Variants in BRCA2 observed in about 807,000 individuals in gnomAD.
BRCA2 encodes the protein BRCA2 DNA repair associated, also known as breast cancer type 2 susceptibility protein.
A neutral mutation model predicts 276.7 loss-of-function variants in BRCA2; 203 were observed. The ratio of observed to expected loss-of-function variants is 0.73; its 90% CI spans 0.65 to 0.82. The LOEUF (loss-of-function observed/expected upper bound fraction) is 0.82, where lower values mean the gene tolerates loss of function less well. Among genes scored for constraint, BRCA2 ranks in the 40% least tolerant of loss-of-function variants. The probability of loss-of-function intolerance (pLI) is 0.00; values close to 1 mark genes in which losing one functional copy is unlikely to be tolerated. For missense variants in BRCA2, 3,920 were observed against 3,915.0 expected (o/e 1.00, Z -0.03); for synonymous variants, 1,289 against 1,338.4 (o/e 0.96, Z 0.81).
chr13:32,338,674 A>G lies in BRCA2; in HGVS notation c.4319A>G (p.Lys1440Arg), dbSNP rs80358669. 6.9e-6 allele frequency: 11 copies of G among 1,596,062 alleles called. No homozygotes were observed. Among genetic ancestry groups the G allele is most frequent in the South Asian group, 2.3e-5 (2 of 88,104 alleles). Residue 1440 changes from lysine (K) to arginine (R), a missense_variant, in exon 11 of 27, where the codon AAA (lysine) becomes AGA (arginine). Coordinates refer to ENST00000380152, the MANE Select transcript of BRCA2 (RefSeq NM_000059.4). The stretch of plus-strand genomic sequence containing the variant: ...AGTGGGAAAAATATTAGTGTCGCCA[A>G]AGAGTCATTTAATAAAATTGTAAAT... Reference protein sequence around the residue: ...TASGKNISVAKESFNKIVNFF... With the variant: ...TASGKNISVARESFNKIVNFF...
chr13:32,390,699 G>A (rs1566257430), intron 24 of BRCA2, among the ~76,000 whole-genome samples: 2 of 152,136 alleles, frequency 1.3e-5, no homozygotes, highest in South Asian at 4.1e-4. Flanking sequence ...GGCTGTTTCA[G>A]CACTTGTCAC....
chr13:32,336,228 G>C (rs2137481494), intron 10 of BRCA2, 37 bp from the exon 11 acceptor site: 1 of 1,576,960 alleles, frequency 6.3e-7, no homozygotes, highest in East Asian at 2.2e-5. Context: ...GTGATTGATG[G>C]TACTTTAATT....
rs1135401901 is a variant in BRCA2, at chr13:32,338,377, C to A, written c.4022C>A (p.Ser1341Ter). The change falls in exon 11 of 27, where the codon TCA becomes TAA. Residue 1341 changes from serine to a stop codon, truncating the protein, a stop_gained. Transcript: ENST00000380152. LOFTEE classifies it high-confidence loss of function. ...SHNLEFDGSDSSKNDTVCIHK... is the reference protein window; with the variant it reads ...SHNLEFDGSD ...AACTTAGAATTTGATGGCAGTGATT[C>A]AAGTAAAAATGATACTGTTTGTATT... 6.3e-7 allele frequency: 1 copy of A among 1,591,106 alleles called. No homozygotes were observed. Among genetic ancestry groups the A allele is most frequent in the East Asian group, 2.2e-5 (1 of 44,558 alleles).
chr13:32,355,943 C>T (rs2072691055), intron 14 of BRCA2, among the ~76,000 whole-genome samples: 1 of 151,806 alleles, frequency 6.6e-6, no homozygotes, highest in Non-Finnish European at 1.5e-5. Context: ...TTGAAACATC[C>T]TTTCATTTAT....
Position 32,346,707 on chromosome 13 carries a change from T to C in BRCA2, c.6938-120T>C, listed in dbSNP as rs206080. 0.99 allele frequency: 685,448 copies of C among 690,196 alleles called. 340,509 individuals carry two copies. Among genetic ancestry groups the C allele is most frequent in the East Asian group, 1 (35,715 of 35,716 alleles). The allele number at this position is 690,196 out of a possible 1,614,324, so 42.8% of individuals were successfully genotyped here. A position where few individuals can be genotyped will look rare whatever the true frequency, so the allele number is the denominator to read the frequency against. Reference sequence around the variant, plus strand: ...TCATAGTTAACATTTATTGAGCATCTGTTACATTCACTGAAAATTGTAAAG... The same window carrying C: ...TCATAGTTAACATTTATTGAGCATCCGTTACATTCACTGAAAATTGTAAAG... On this transcript the variant is annotated intron_variant, in intron 12 of 26. Transcript: ENST00000380152.
At chr13:32,352,307 G>A (rs1378978151) in intron 13 of BRCA2, among the ~76,000 whole-genome samples, 1 of 151,768 alleles carries the variant, frequency 6.6e-6, no homozygotes, top group East Asian at 1.9e-4. Context: ...TAATTTATGT[G>A]TAAAATGGGA....
At chr13:32,357,668 A>G (rs1051733998) in intron 15 of BRCA2, 74 bp from the exon 16 acceptor site, 6 of 1,491,768 alleles carry the variant, frequency 4.0e-6, no homozygotes, top group South Asian at 1.2e-5. Flanking sequence ...TTGGTTTGTT[A>G]TAATTGTTTT....
intron 24 of BRCA2, among the ~76,000 whole-genome samples, chr13:32,382,438 CTG>C: frequency 6.6e-6 from 1 of 152,128 alleles, no homozygotes; most frequent in African/African-American, 2.4e-5. Flanking sequence ...TGGAGGAATA[CTG>C]GAGTGAGGTA....
At chr13:32,367,362 A>C (rs1380383218) in intron 18 of BRCA2, among the ~76,000 whole-genome samples, 1 of 151,920 alleles carries the variant, frequency 6.6e-6, no homozygotes, top group Non-Finnish European at 1.5e-5. Flanking sequence ...GCTTGAACCC[A>C]GGAAGCGGAG....
chr13:32,351,773 T>C (rs942262112), intron 13 of BRCA2, among the ~76,000 whole-genome samples: 2 of 151,998 alleles, frequency 1.3e-5, no homozygotes, highest in Non-Finnish European at 2.9e-5. Flanking sequence ...TTGAAATTAT[T>C]TTAATGTTAC....
rs769535925 is a variant in BRCA2, at chr13:32,338,675, A to G, written c.4320A>G (p.Lys1440=). 3 of 1,595,592 alleles carry G rather than the reference A, an allele frequency of 1.9e-6. No homozygotes were observed. Among genetic ancestry groups the G allele is most frequent in the Non-Finnish European group, 2.6e-6 (3 of 1,169,030 alleles). ...TASGKNISVA[K]ESFNKIVNFF... Reference sequence around the variant, plus strand: ...GTGGGAAAAATATTAGTGTCGCCAAAGAGTCATTTAATAAAATTGTAAATT... The same window carrying G: ...GTGGGAAAAATATTAGTGTCGCCAAGGAGTCATTTAATAAAATTGTAAATT... Residue 1440 remains lysine, a synonymous_variant, in exon 11 of 27, where the codon AAA becomes AAG. Transcript: ENST00000380152.
rs587780661 is a variant in BRCA2, at chr13:32,362,545, G to A, written c.7828G>A (p.Val2610Met). 4 of 1,613,948 alleles carry A rather than the reference G, an allele frequency of 2.5e-6. No individual in the cohort carries two copies. The highest frequency in any genetic ancestry group is 3.4e-6 in the Non-Finnish European group (4 of 1,179,860). ...CAGGGCTCTGTGTGACACTCCAGGT[G>A]TGGATCCAAAGCTTATTTCTAGAAT... ...FYRALCDTPG[V>M]DPKLISRIWV... Residue 2610 changes from valine to methionine, a missense_variant, in exon 17 of 27, where the codon GTG becomes ATG. Physicochemically the swap from Val to Met is conservative, Grantham distance 21. Coordinates refer to ENST00000380152, the MANE Select transcript of BRCA2 (RefSeq NM_000059.4).
intron 10 of BRCA2, among the ~76,000 whole-genome samples, chr13:32,335,529 T>G (rs2072441404): frequency 6.6e-6 from 1 of 152,196 alleles, no homozygotes; most frequent in South Asian, 2.1e-4. Flanking sequence ...AAATTGTGGT[T>G]TTGTTTTTTT....
intron 13 of BRCA2, among the ~76,000 whole-genome samples, chr13:32,352,635 AAAAGAAATGGGGAGGTTAGGACC>A (rs1219589424): frequency 6.6e-6 from 1 of 152,220 alleles, no homozygotes; most frequent in Admixed American, 6.5e-5. Context: ...GAGGGAAACA[AAAAGAAATGGGGAGGTTAGGACC>A]AAATAGGAAG....
At chr13:32,380,707 A>G (rs2072919262) in intron 24 of BRCA2, among the ~76,000 whole-genome samples, 1 of 151,204 alleles carries the variant, frequency 6.6e-6, no homozygotes, top group East Asian at 1.9e-4. Context: ...AGCCTGGCCA[A>G]TTTTTTGTAT....
At chr13:32,383,003 AC>A (rs1396572059) in intron 24 of BRCA2, among the ~76,000 whole-genome samples, 2 of 152,152 alleles carry the variant, frequency 1.3e-5, no homozygotes, top group African/African-American at 4.8e-5. Flanking sequence ...CTTGTGGCAG[AC>A]CTCTTTTGAT....
chr13:32,379,468 T>C lies in BRCA2; in HGVS notation c.8906T>C (p.Val2969Ala), dbSNP rs2137620350. The C allele has an allele frequency of 6.2e-7, 1 of 1,613,376 alleles. No homozygotes were observed. The highest frequency in any genetic ancestry group is 8.5e-7 in the Non-Finnish European group (1 of 1,179,808). Residue 2969 changes from valine (V) to alanine (A), a missense_variant, in exon 22 of 27, where the codon GTG becomes GCG. Physicochemically the swap from Val to Ala is moderately conservative, Grantham distance 64 (BLOSUM62 0). Coordinates refer to ENST00000380152, the MANE Select transcript of BRCA2 (RefSeq NM_000059.4). The part of the protein sequence containing the change: ...EQGLSRDVTT[V>A]WKLRIVSYSK... ...GGTTTATCAAGGGATGTCACAACCGTGTGGAAGTTGCGTATTGTAAGCTAT... is the reference window on the plus strand; with the variant it reads ...GGTTTATCAAGGGATGTCACAACCGCGTGGAAGTTGCGTATTGTAAGCTAT...
In BRCA2 at chr13:32,340,738, A is replaced by C. The variant is rs398122554; in HGVS notation, c.6383A>C (p.Lys2128Thr). ...VNSEMEKTCS[K>T]EFKLSNNLNV... is the part of the protein sequence containing the mutation. ...TCAGAAATGGAAAAAACCTGCAGTA[A>C]AGAATTTAAATTATCAAATAACTTA... The change falls in exon 11 of 27, where the codon AAA becomes ACA. Residue 2128 changes from lysine to threonine, a missense_variant. Coordinates refer to ENST00000380152, the MANE Select transcript of BRCA2 (RefSeq NM_000059.4). 9.3e-6 allele frequency: 15 copies of C among 1,606,408 alleles called. No homozygotes were observed. Among genetic ancestry groups the C allele is most frequent in the Non-Finnish European group, 1.3e-5 (15 of 1,178,070 alleles).
In BRCA2 at chr13:32,343,715, A is replaced by AG. The variant is rs1182318024; in HGVS notation, c.6842-843_6842-842insG. 3.3e-5 allele frequency among the ~76,000 whole-genome samples: 5 copies of AG among 152,212 alleles called. No individual in the cohort carries two copies. The East Asian group carries it at 5.8e-4, about 18-fold the overall frequency. ...TATTGACTTTCCACCTAGGGAAAAA[A>AG]AAAACAATAACTCAGACTTGTAAAT... On this transcript the variant is annotated intron_variant, in intron 11 of 26. Transcript: ENST00000380152.
Sources: allele counts gnomAD v4.1 joint callset (sites outside exome capture counted in the v4.1 genomes callset), GRCh38; gene constraint gnomAD v4.1.1; transcripts MANE v1.5; gene names NCBI Gene and HGNC (gene_info 2026-07-23, HGNC 2026-07-21).